The following ACOT7 variants were observed in gnomAD, a reference collection of about 807,000 sequenced individuals.
ACOT7 encodes the protein cytosolic acyl coenzyme A thioester hydrolase.
ACOT7 carries 12 observed loss-of-function variants against 40.2 expected under a neutral mutation model. That is an observed-to-expected ratio of 0.30 (90% confidence interval 0.19 to 0.48). The LOEUF is 0.48. Ranked by LOEUF, ACOT7 falls within the 20% of genes least tolerant of loss-of-function variation. ACOT7 has a pLI of 0.99. For missense variants in ACOT7, 395 were observed against 530.8 expected (o/e 0.74, Z 2.51); for synonymous variants, 228 against 219.5 (o/e 1.04, Z -0.34).
At position 6,393,393 on chromosome 1, in the gene ACOT7, G is replaced by A. The variant is rs1292633464; in HGVS notation, c.7C>T (p.Arg3Trp). Residue 3 changes from arginine (R) to tryptophan (W), a missense_variant, in exon 1 of 9, where the codon CGG becomes TGG. Arg to Trp is a moderately radical substitution (Grantham distance 101). Coordinates refer to ENST00000361521, the MANE Select transcript of ACOT7 (RefSeq NM_007274.4). ...GGCGCGGAATGAATGAGCCCGGGCC[G>A]CGCCATAAAGGGGGAGGGCAGAGGT... Reference protein sequence around the residue: MARPGLIHSAPGL... With the variant: MAWPGLIHSAPGL... The A allele has an allele frequency of 3.3e-6, 4 of 1,230,184 alleles. No individual in the cohort carries two copies. In the East Asian group the frequency reaches 9.6e-5, roughly 29 times the overall value. 76.2% of individuals were successfully genotyped at this position (1,230,184 alleles called of 1,614,324 possible). A position where few individuals can be genotyped will look rare whatever the true frequency, so the allele number is the denominator to read the frequency against.
At chr1:6,379,262 G>A (rs1288350017) in intron 1 of ACOT7, among the ~76,000 whole-genome samples, 1 of 151,816 alleles carries the variant, frequency 6.6e-6, no homozygotes, top group African/African-American at 2.4e-5. Context: ...AGAGTTCAAA[G>A]AAAGGATGCA....
intron 6 of ACOT7, among the ~76,000 whole-genome samples, chr1:6,314,226 C>A (rs1039139437): frequency 2.0e-5 from 3 of 152,048 alleles, no homozygotes; most frequent in Non-Finnish European, 2.9e-5. Flanking sequence ...AGTGATGGGG[C>A]TCATGCATCT....
intron 8 of ACOT7, among the ~76,000 whole-genome samples, chr1:6,272,015 G>T (rs1345608230): frequency 1.3e-5 from 2 of 152,258 alleles, no homozygotes; most frequent in Non-Finnish European, 2.9e-5. Flanking sequence ...TCTTGTGCCG[G>T]AGTGTGGACA....
chr1:6,289,218 GC>G lies in ACOT7; in HGVS notation c.829+5645del, dbSNP rs972147396. 1.5e-3 allele frequency among the ~76,000 whole-genome samples: 221 copies of G among 152,148 alleles called. No individual in the cohort carries two copies. Among genetic ancestry groups the G allele is most frequent in the African/African-American group, 5.1e-3 (212 of 41,482 alleles). On this transcript the variant is annotated intron_variant, in intron 7 of 8. Transcript: ENST00000361521. The surrounding 1 kb of genome is among the most constrained non-coding windows in gnomAD (Gnocchi z 4.6). Reference sequence around the variant, plus strand: ...AGGTTCAAGCGATTCTCCTACCTCAGCCCCCCGAGTAGCTGGGATTACAGGC... The same window carrying G: ...AGGTTCAAGCGATTCTCCTACCTCAGCCCCCGAGTAGCTGGGATTACAGGC...
chr1:6,290,951 C>A (rs879429630), intron 7 of ACOT7, among the ~76,000 whole-genome samples: 46 of 152,324 alleles, frequency 3.0e-4, no homozygotes, highest in Non-Finnish European at 3.8e-4. Context: ...CTTAGAGTGG[C>A]CCCTTCTCCA....
intron 6 of ACOT7, among the ~76,000 whole-genome samples, chr1:6,298,284 G>A (rs959013365): frequency 7.2e-5 from 11 of 152,104 alleles, no homozygotes; most frequent in African/African-American, 2.2e-4. Flanking sequence ...ACAGGAGCCC[G>A]TCACCATGCC....
intron 2 of ACOT7, among the ~76,000 whole-genome samples, chr1:6,348,170 C>A (rs1641485868): frequency 6.6e-6 from 1 of 152,064 alleles, no homozygotes; most frequent in Admixed American, 6.5e-5. Context: ...TCCAAAGAAT[C>A]AATCTACCCC....
intron 7 of ACOT7, among the ~76,000 whole-genome samples, chr1:6,283,306 C>T (rs574116992): frequency 1.3e-4 from 20 of 152,304 alleles, no homozygotes; most frequent in African/African-American, 4.6e-4. Flanking sequence ...GGATTACAGG[C>T]GTGCACCACC....
At chr1:6,350,681 C>CATCCACCT (rs1641566345) in intron 1 of ACOT7, among the ~76,000 whole-genome samples, 1 of 152,230 alleles carries the variant, frequency 6.6e-6, no homozygotes, top group Non-Finnish European at 1.5e-5. Context: ...TGACAGGCAG[C>CATCCACCT]GGGCACAGGT....
chr1:6,281,310 T>C (rs375753921), intron 7 of ACOT7, 24 bp from the exon 8 acceptor site: 3 of 1,589,816 alleles, frequency 1.9e-6, no homozygotes, highest in Admixed American at 3.4e-5. Context: ...AGGGCGGGGG[T>C]CAGGGCGGCC....
chr1:6,387,265 A>C (rs1213438939), intron 1 of ACOT7, among the ~76,000 whole-genome samples: 1 of 152,192 alleles, frequency 6.6e-6, no homozygotes, highest in Non-Finnish European at 1.5e-5. Context: ...AAAACTCAGC[A>C]AACTGTACGT....
chr1:6,275,714 C>CT lies in ACOT7; in HGVS notation c.1014+5387dup, dbSNP rs1461262890. Among the ~76,000 whole-genome samples, 8 of 104,840 alleles carry CT rather than the reference C, an allele frequency of 7.6e-5. No individual in the cohort carries two copies. Among genetic ancestry groups the CT allele is most frequent in the Non-Finnish European group, 1.3e-4 (7 of 54,172 alleles). The allele number at this position is 104,840 out of a possible 152,430, so 68.8% of individuals were successfully genotyped here. ...GTTGGGCGACAGAGTGAGGCTCCGTCTCAAAAAAAAAAAAAAAAAAAAAAA... is the reference window on the plus strand; with the variant it reads ...GTTGGGCGACAGAGTGAGGCTCCGTCTTCAAAAAAAAAAAAAAAAAAAAAAA... On this transcript the variant is annotated intron_variant, in intron 8 of 8. Coordinates refer to ENST00000361521, the MANE Select transcript of ACOT7 (RefSeq NM_007274.4). This position sits in a 1 kb window ranked among gnomAD's most constrained non-coding sequence, Gnocchi z 5.6.
At chr1:6,383,067 C>T (rs1221764125) in intron 1 of ACOT7, among the ~76,000 whole-genome samples, 3 of 151,400 alleles carry the variant, frequency 2.0e-5, no homozygotes, top group Non-Finnish European at 3.0e-5. Context: ...GTAGTAGAGA[C>T]GGGGTTTCAC....
At chr1:6,372,840 G>C (rs753759571) in intron 1 of ACOT7, among the ~76,000 whole-genome samples, 1 of 152,102 alleles carries the variant, frequency 6.6e-6, no homozygotes, top group Admixed American at 6.6e-5. Context: ...ATGTGCCACC[G>C]TGCCTGGCCT....
At chr1:6,335,724 C>G (rs560948026) in intron 3 of ACOT7, among the ~76,000 whole-genome samples, 253 of 152,342 alleles carry the variant, frequency 1.7e-3, no homozygotes, top group African/African-American at 6.1e-3. Context: ...CCCCAGGGGG[C>G]CCATTAAGAA....
intron 1 of ACOT7, among the ~76,000 whole-genome samples, chr1:6,351,856 G>A (rs923616261): frequency 1.3e-5 from 2 of 152,206 alleles, no homozygotes; most frequent in African/African-American, 4.8e-5. Flanking sequence ...CATGCGGTGG[G>A]CACTGAAGAC....
intron 6 of ACOT7, among the ~76,000 whole-genome samples, chr1:6,308,063 G>C (rs1640213457): frequency 6.6e-6 from 1 of 151,610 alleles, no homozygotes; most frequent in African/African-American, 2.4e-5. Flanking sequence ...AACAGCCACA[G>C]GCAGAGGGAA....
At chr1:6,372,848 C>G (rs757199705) in intron 1 of ACOT7, among the ~76,000 whole-genome samples, 1 of 152,156 alleles carries the variant, frequency 6.6e-6, no homozygotes, top group Non-Finnish European at 1.5e-5. Context: ...CCGTGCCTGG[C>G]CTCCGGCTTT....
intron 1 of ACOT7, among the ~76,000 whole-genome samples, chr1:6,351,395 C>T (rs1641587766): frequency 6.6e-6 from 1 of 152,242 alleles, no homozygotes; most frequent in South Asian, 2.1e-4. Flanking sequence ...TTTTAAAATA[C>T]CTTTGTTTTT....
Sources: allele counts gnomAD v4.1 joint callset (sites outside exome capture counted in the v4.1 genomes callset), GRCh38; gene constraint gnomAD v4.1.1; non-coding constraint Gnocchi (gnomAD v3.1); transcripts MANE v1.5; gene names NCBI Gene and HGNC (gene_info 2026-07-23, HGNC 2026-07-21).